Variants in ZNF724 observed in about 807,000 individuals in gnomAD.
ZNF724 encodes the protein zinc finger protein 724.
A neutral mutation model predicts 29.3 loss-of-function variants in ZNF724; 14 were observed. The observed-to-expected ratio is 0.48, with a 90% CI of 0.32 to 0.75. The LOEUF (loss-of-function observed/expected upper bound fraction) is 0.75, where lower values mean the gene tolerates loss of function less well. Ranked by LOEUF, ZNF724 falls within the 30% of genes least tolerant of loss-of-function variation. The pLI, the probability that ZNF724 is intolerant of heterozygous loss-of-function variation, is 0.04. For synonymous variants in ZNF724, 180 were observed against 193.6 expected, an observed-to-expected ratio of 0.93 and a Z score of 0.58; for missense variants, 557 against 571.2, an observed-to-expected ratio of 0.98 and a Z score of 0.25.
chr19:23,235,729 T>C (rs1972013063), intron 1 of ZNF724, among the ~76,000 whole-genome samples: 1 of 152,150 alleles, frequency 6.6e-6, no homozygotes, highest in African/African-American at 2.4e-5. Context: ...AAAAGGCCCC[T>C]CTAGAGTAAA....
intron 1 of ZNF724, among the ~76,000 whole-genome samples, chr19:23,241,131 T>G (rs1474589415): frequency 6.6e-6 from 1 of 151,976 alleles, no homozygotes; most frequent in African/African-American, 2.4e-5. Context: ...TATAGACACC[T>G]CTGTACACAA....
chr19:23,222,757 A>G lies in ZNF724; in HGVS notation c.1488T>C (p.His496=). Residue 496 remains histidine, a synonymous_variant, in exon 4 of 4, where the codon CAT becomes CAC. Coordinates refer to ENST00000418100, the MANE Select transcript of ZNF724 (RefSeq NM_001355404.2). ...AFNLSSHLTT[H]KKIHTGEKPY... is the part of the protein sequence containing the mutation. ...GTTTCTCTCCAGTATGAATTTTCTT[A>G]TGTGTTGTAAGGTGTGAGGATAGGT... The G allele has an allele frequency of 5.0e-6, 7 of 1,405,658 alleles. No homozygotes were observed. In the South Asian group the frequency reaches 5.9e-5, roughly 12 times the overall value. The allele number at this position is 1,405,658 out of a possible 1,614,324, so 87.1% of individuals were successfully genotyped here.
rs756663931 is a variant in ZNF724 at position 23,223,356 on chromosome 19, G to T, written c.889C>A (p.Leu297Ile). 2 of 769,228 alleles carry T rather than the reference G, an allele frequency of 2.6e-6. No individual in the cohort carries two copies. The highest frequency in any genetic ancestry group is 4.8e-6 in the Non-Finnish European group (2 of 413,310). The allele number at this position is 769,228 out of a possible 1,614,324, so 47.7% of individuals were successfully genotyped here. ...GCATGAATTATCTTATGTCTAGTAA[G>T]GGTTGATGATTGGTTAAAAGCTTTG... ...CGKAFNQSST[L>I]TRHKIIHAGE... The change falls in exon 4 of 4, where the codon CTT becomes ATT. Residue 297 changes from leucine (L) to isoleucine (I), a missense_variant. Transcript: ENST00000418100.
chr19:23,227,706 G>A (rs1449484108), intron 3 of ZNF724, among the ~76,000 whole-genome samples: 4 of 152,002 alleles, frequency 2.6e-5, no homozygotes, highest in Non-Finnish European at 4.4e-5. Flanking sequence ...ATAGTCTGAA[G>A]AAAGTGGGTG....
intron 1 of ZNF724, among the ~76,000 whole-genome samples, chr19:23,235,895 T>C (rs886231463): frequency 6.6e-6 from 1 of 152,154 alleles, no homozygotes; most frequent in Non-Finnish European, 1.5e-5. Flanking sequence ...AACCAGAATG[T>C]GACATGCATC....
intron 1 of ZNF724, among the ~76,000 whole-genome samples, chr19:23,239,754 C>A (rs1358056332): frequency 1.3e-5 from 2 of 151,890 alleles, no homozygotes; most frequent in Non-Finnish European, 2.9e-5. Flanking sequence ...GAGGTTGCAG[C>A]GAGCCAAGAT....
At chr19:23,243,996 G>C (rs1448792574) in intron 1 of ZNF724, among the ~76,000 whole-genome samples, 1 of 150,638 alleles carries the variant, frequency 6.6e-6, no homozygotes, top group Non-Finnish European at 1.5e-5. Flanking sequence ...TAGTATCTTG[G>C]TGAAAAAATA....
At chr19:23,235,966 G>A (rs1972016040) in intron 1 of ZNF724, among the ~76,000 whole-genome samples, 1 of 152,090 alleles carries the variant, frequency 6.6e-6, no homozygotes, top group Non-Finnish European at 1.5e-5. Context: ...TAGTCCACAA[G>A]TAAAAGAATT....
chr19:23,246,342 G>C lies in ZNF724; in HGVS notation c.3+3898C>G, dbSNP rs112296255. On this transcript the variant is annotated intron_variant, in intron 1 of 3. Transcript: ENST00000418100. ...TAGTCATATGGGGACACCTCTAGGAGGTACCAAGTTTTGTCTTATAAAATT... is the reference window on the plus strand; with the variant it reads ...TAGTCATATGGGGACACCTCTAGGACGTACCAAGTTTTGTCTTATAAAATT... Among the ~76,000 whole-genome samples, 386 of 152,208 alleles carry C rather than the reference G, an allele frequency of 2.5e-3. 1 individual carries two copies. Among genetic ancestry groups the C allele is most frequent in the African/African-American group, 8.8e-3 (367 of 41,516 alleles).
intron 1 of ZNF724, among the ~76,000 whole-genome samples, chr19:23,249,041 GAAAC>G (rs200760692): frequency 0.02 from 3,025 of 151,724 alleles, 37 homozygotes; most frequent in African/African-American, 0.032. Flanking sequence ...AAAGAGGAGA[GAAAC>G]AAACAAACAA....
chr19:23,235,419 T>G (rs1383910976), intron 1 of ZNF724, among the ~76,000 whole-genome samples: 1 of 152,228 alleles, frequency 6.6e-6, no homozygotes, highest in African/African-American at 2.4e-5. Context: ...GTGGAGCAAC[T>G]ACTGGATCTG....
chr19:23,229,582 C>T (rs1453108932), intron 3 of ZNF724, among the ~76,000 whole-genome samples: 1 of 152,184 alleles, frequency 6.6e-6, no homozygotes, highest in Non-Finnish European at 1.5e-5. Context: ...GATCAAAGTC[C>T]TGAAGGATAT....
chr19:23,240,717 T>TA (rs34692737), intron 1 of ZNF724, among the ~76,000 whole-genome samples: 55,103 of 108,576 alleles, frequency 0.51, 13,710 homozygotes, highest in East Asian at 0.69. Flanking sequence ...GGATTCCACC[T>TA]AAAAAAAAAA....
chr19:23,249,439 C>A, intron 1 of ZNF724, among the ~76,000 whole-genome samples: 1 of 151,578 alleles, frequency 6.6e-6, no homozygotes, highest in East Asian at 2.0e-4. Context: ...GCTCTGTCAC[C>A]CAAGCTGGAC....
intron 1 of ZNF724, among the ~76,000 whole-genome samples, chr19:23,242,422 A>T (rs932875166): frequency 1.4e-4 from 22 of 152,122 alleles, no homozygotes; most frequent in Admixed American, 1.4e-3. Context: ...CTACAAAAAA[A>T]ATACTAAAAG....
At chr19:23,236,625 T>C (rs1477169040) in intron 1 of ZNF724, 1 of 152,236 alleles carries the variant, frequency 6.6e-6, no homozygotes, top group African/African-American at 2.4e-5. Context: ...AGATATAAGA[T>C]TGATCATGTT....
intron 2 of ZNF724, among the ~76,000 whole-genome samples, 195 bp from the exon 3 acceptor site, chr19:23,231,556 G>A (rs1337904753): frequency 6.6e-6 from 1 of 152,058 alleles, no homozygotes; most frequent in Non-Finnish European, 1.5e-5. Context: ...ATCAAAAACT[G>A]GAGATGACAA....
Position 23,231,270 on chromosome 19 carries a change from G to A in ZNF724, c.222C>T (p.Pro74=), listed in dbSNP as rs778165212. Residue 74 remains proline (P), a synonymous_variant, in exon 3 of 4, where the codon CCC becomes CCT. Coordinates refer to ENST00000418100, the MANE Select transcript of ZNF724 (RefSeq NM_001355404.2). ...NMERHEMVAK[P]PGMCCYFAQD... is the part of the protein sequence containing the mutation. ...GTCATATTCACTCTCACCTACCTGGGGGTTTGGCCACCATCTCATGTCTCT... is the reference window on the plus strand; with the variant it reads ...GTCATATTCACTCTCACCTACCTGGAGGTTTGGCCACCATCTCATGTCTCT... 1.5e-6 allele frequency: 2 copies of A among 1,340,480 alleles called. No homozygotes were observed. Among genetic ancestry groups the A allele is most frequent in the Admixed American group, 1.8e-5 (1 of 55,600 alleles). The allele number at this position is 1,340,480 out of a possible 1,614,324, so 83.0% of individuals were successfully genotyped here. A position where few individuals can be genotyped will look rare whatever the true frequency, so the allele number is the denominator to read the frequency against.
At position 23,234,794 on chromosome 19, in the gene ZNF724, T is replaced by C. The variant is rs915690645; in HGVS notation, c.4-2501A>G. ...AAGCTTATAAATCACTTGGTAACTT[T>C]GGACCTTCCCTATGTATTTTGATTC... is the stretch of plus-strand genomic sequence containing the variant. On this transcript the variant is annotated intron_variant, in intron 1 of 3. Coordinates refer to ENST00000418100, the MANE Select transcript of ZNF724 (RefSeq NM_001355404.2). Among the ~76,000 whole-genome samples, 5 of 152,208 alleles carry C rather than the reference T, an allele frequency of 3.3e-5. No homozygotes were observed. In the East Asian group the frequency reaches 9.7e-4, roughly 29 times the overall value.
Sources: gnomAD v4.1 joint callset for allele counts (sites outside exome capture counted in the v4.1 genomes callset) on GRCh38, gnomAD v4.1.1 for gene constraint, MANE v1.5 for transcripts, NCBI Gene and HGNC (gene_info 2026-07-23, HGNC 2026-07-21) for gene names.